The following DLGAP2 variants were observed in gnomAD, a reference collection of about 807,000 sequenced individuals.
DLGAP2 encodes DLG associated protein 2.
In DLGAP2, 26 loss-of-function variants were observed where a neutral mutation model predicts 100.3. The observed-to-expected ratio is 0.26, with a 90% CI of 0.19 to 0.36. The LOEUF (loss-of-function observed/expected upper bound fraction) is 0.36, where lower values mean the gene tolerates loss of function less well. DLGAP2 is among the 10% of genes least tolerant of loss of function. DLGAP2 has a pLI of 1.00. For missense variants in DLGAP2, 1,858 were observed against 1,453.2 expected (o/e 1.28, Z -4.53); for synonymous variants, 886 against 630.1 (o/e 1.41, Z -6.08).
At chr8:1,289,669 A>G (rs1460276324) in intron 3 of DLGAP2, among the ~76,000 whole-genome samples, 4 of 152,054 alleles carry the variant, frequency 2.6e-5, no homozygotes, top group Non-Finnish European at 5.9e-5. Flanking sequence ...TGGATGGTGA[A>G]GCCTCCACTG....
intron 8 of DLGAP2, among the ~76,000 whole-genome samples, chr8:1,656,213 G>C (rs1798281061): frequency 6.6e-6 from 1 of 152,120 alleles, no homozygotes; most frequent in Admixed American, 6.5e-5. Flanking sequence ...GGGAGGCTGA[G>C]GCTGGAGAAT....
intron 1 of DLGAP2, among the ~76,000 whole-genome samples, chr8:860,615 C>G: frequency 6.6e-6 from 1 of 152,220 alleles, no homozygotes; most frequent in East Asian, 1.9e-4. Context: ...TTTCCAATCC[C>G]TAACCTGTCA....
At chr8:1,468,501 T>C (rs1442643063) in intron 3 of DLGAP2, among the ~76,000 whole-genome samples, 1 of 152,176 alleles carries the variant, frequency 6.6e-6, no homozygotes, top group East Asian at 1.9e-4. Flanking sequence ...CCCTGAGTCC[T>C]TAGCAGCCAT....
At chr8:790,836 C>T (rs1169709565) in intron 1 of DLGAP2, among the ~76,000 whole-genome samples, 1 of 152,132 alleles carries the variant, frequency 6.6e-6, no homozygotes, top group Non-Finnish European at 1.5e-5. Flanking sequence ...ACCTCGAACT[C>T]CTGGGCTCAA....
At chr8:838,052 G>T (rs1357342253) in intron 1 of DLGAP2, among the ~76,000 whole-genome samples, 1 of 152,030 alleles carries the variant, frequency 6.6e-6, no homozygotes, top group Admixed American at 6.6e-5. Flanking sequence ...TTAATATTTG[G>T]TAAACAAATG....
intron 1 of DLGAP2, among the ~76,000 whole-genome samples, chr8:804,935 T>C (rs1039271686): frequency 3.9e-5 from 6 of 152,096 alleles, no homozygotes; most frequent in African/African-American, 1.4e-4. Flanking sequence ...TGGCTAATTT[T>C]TTTTGTTTGT....
chr8:1,498,622 C>G (rs555467443), intron 3 of DLGAP2, among the ~76,000 whole-genome samples: 1 of 152,204 alleles, frequency 6.6e-6, no homozygotes, highest in African/African-American at 2.4e-5. Flanking sequence ...TGATAAAGCT[C>G]AGCACATACG....
intron 2 of DLGAP2, among the ~76,000 whole-genome samples, chr8:1,159,669 G>T (rs1471175689): frequency 1.3e-5 from 2 of 152,148 alleles, no homozygotes; most frequent in Non-Finnish European, 2.9e-5. Context: ...GGGATACTTT[G>T]GTTATTTTAT....
At chr8:829,632 A>C (rs180719487) in intron 1 of DLGAP2, among the ~76,000 whole-genome samples, 1 of 152,222 alleles carries the variant, frequency 6.6e-6, no homozygotes, top group Non-Finnish European at 1.5e-5. Flanking sequence ...CTTTTTTCAA[A>C]CTATGTAAGC....
intron 3 of DLGAP2, among the ~76,000 whole-genome samples, chr8:1,287,204 AGT>A (rs142438693): frequency 0.027 from 2,928 of 108,810 alleles, 94 homozygotes; most frequent in African/African-American, 0.052. Context: ...GTTTTGGTTC[AGT>A]GTGTGTGTGT....
chr8:919,000 G>A (rs987762667), intron 2 of DLGAP2, among the ~76,000 whole-genome samples: 70 of 152,126 alleles, frequency 4.6e-4, no homozygotes, highest in African/African-American at 1.7e-3. Context: ...GAGTGCAGTG[G>A]TGCGATCAGA....
chr8:1,382,473 C>T (rs1796119260), intron 3 of DLGAP2, among the ~76,000 whole-genome samples: 1 of 152,232 alleles, frequency 6.6e-6, no homozygotes, highest in Non-Finnish European at 1.5e-5. Flanking sequence ...CAGTGGCTCA[C>T]AGCTGTAATT....
chr8:1,250,217 C>CT (rs11383797), intron 2 of DLGAP2, among the ~76,000 whole-genome samples: 131,703 of 151,932 alleles, frequency 0.87, 57,251 homozygotes, highest in Middle Eastern at 0.94. Flanking sequence ...GATAAATCTG[C>CT]CCCCAGAAAC....
intron 2 of DLGAP2, among the ~76,000 whole-genome samples, chr8:1,120,100 A>G (rs1275030235): frequency 6.6e-6 from 1 of 152,176 alleles, no homozygotes; most frequent in Admixed American, 6.5e-5. Context: ...TGGAAATTCA[A>G]ACATCTTTGC....
chr8:1,601,541 C>T (rs1437299082), intron 6 of DLGAP2, among the ~76,000 whole-genome samples: 1 of 152,228 alleles, frequency 6.6e-6, no homozygotes, highest in East Asian at 1.9e-4. Flanking sequence ...CTGACTGGGG[C>T]TGCTGCCTTT....
At chr8:826,619 C>T (rs539028633) in intron 1 of DLGAP2, among the ~76,000 whole-genome samples, 1 of 151,958 alleles carries the variant, frequency 6.6e-6, no homozygotes, top group South Asian at 2.1e-4. Context: ...TAGCTGGGAG[C>T]CCTGCCTTCT....
chr8:1,224,599 A>G (rs1481605431), intron 2 of DLGAP2, among the ~76,000 whole-genome samples: 4 of 152,242 alleles, frequency 2.6e-5, no homozygotes, highest in Non-Finnish European at 2.9e-5. Context: ...AAAATTGTTA[A>G]GCCTTTTATT....
At chr8:804,822 G>C (rs943488619) in intron 1 of DLGAP2, among the ~76,000 whole-genome samples, 3 of 152,138 alleles carry the variant, frequency 2.0e-5, no homozygotes, top group African/African-American at 7.2e-5. Context: ...CTCGAGTGCA[G>C]TGGTGCAATC....
At chr8:1,062,244 T>A (rs1352897701) in intron 2 of DLGAP2, among the ~76,000 whole-genome samples, 1 of 152,176 alleles carries the variant, frequency 6.6e-6, no homozygotes, top group Non-Finnish European at 1.5e-5. Flanking sequence ...TATGCTTGAC[T>A]ATATGGGCCA....
Sources: gnomAD v4.1 joint callset for allele counts (sites outside exome capture counted in the v4.1 genomes callset) on GRCh38, gnomAD v4.1.1 for gene constraint, MANE v1.5 for transcripts, NCBI Gene and HGNC (gene_info 2026-07-23, HGNC 2026-07-21) for gene names.